CD44: variants seen among roughly 807,000 people sequenced by gnomAD.
The protein encoded by CD44 is CD44 antigen.
A neutral mutation model predicts 88.8 loss-of-function variants in CD44; 49 were observed. That is an observed-to-expected ratio of 0.55 (90% CI 0.44 to 0.70). The LOEUF (loss-of-function observed/expected upper bound fraction) is 0.70, where lower values mean the gene tolerates loss of function less well. CD44 is among the 30% of genes least tolerant of loss of function. The pLI is 0.00. For synonymous variants in CD44, 325 were observed against 312.3 expected (o/e 1.04, Z -0.43); for missense variants, 883 against 913.8 (o/e 0.97, Z 0.43).
rs775136879 is a variant in CD44, at chr11:35,189,920, T to G, written c.522T>G (p.Thr174=). Residue 174 remains threonine, a synonymous_variant, in exon 5 of 18, where the codon ACT becomes ACG. Transcript: ENST00000428726. ...NPEDIYPSNP[T]DDDVSSGSSS... Reference sequence around the variant, plus strand: ...AAGACATCTACCCCAGCAACCCTACTGATGATGACGTGAGCAGCGGCTCCT... The same window carrying G: ...AAGACATCTACCCCAGCAACCCTACGGATGATGACGTGAGCAGCGGCTCCT... 1.2e-6 allele frequency: 2 copies of G among 1,614,168 alleles called. No individual in the cohort carries two copies. Among genetic ancestry groups the G allele is most frequent in the Non-Finnish European group, 1.7e-6 (2 of 1,180,018 alleles).
intron 1 of CD44, among the ~76,000 whole-genome samples, chr11:35,172,001 C>T (rs569152973): frequency 2.6e-5 from 4 of 152,042 alleles, no homozygotes; most frequent in East Asian, 1.9e-4. Flanking sequence ...TGAAGCTTTT[C>T]GATACATTTT....
rs745340255 is a variant in CD44 at position 35,139,281 on chromosome 11, G to T, written c.-23G>T. The stretch of plus-strand genomic sequence containing the variant: ...GGATCCTCCAGCTCCTTTCGCCCGC[G>T]CCCTCCGTTCGCTCCGGACACCATG... On this transcript the variant is annotated 5_prime_UTR_variant, in exon 1 of 18. Transcript: ENST00000428726. 2 of 1,552,176 alleles carry T rather than the reference G, an allele frequency of 1.3e-6. No individual in the cohort carries two copies. Among genetic ancestry groups the T allele is most frequent in the Non-Finnish European group, 1.7e-6 (2 of 1,146,388 alleles).
intron 3 of CD44, among the ~76,000 whole-genome samples, chr11:35,184,631 A>C (rs1591121213): frequency 6.6e-6 from 1 of 152,232 alleles, no homozygotes; most frequent in South Asian, 2.1e-4. Context: ...AGCTAAATTA[A>C]TATTAATTAT....
intron 15 of CD44, among the ~76,000 whole-genome samples, chr11:35,217,356 G>GAA (rs59976536): frequency 8.2e-6 from 1 of 122,422 alleles, no homozygotes; most frequent in African/African-American, 3.1e-5. Flanking sequence ...AGTCAGAAAA[G>GAA]AAAAAAAAAA....
At chr11:35,222,332 G>T in intron 17 of CD44, 1 of 973,100 alleles carries the variant, frequency 1.0e-6, no homozygotes, top group Non-Finnish European at 1.4e-6. Context: ...TTTGTTGTTT[G>T]GTTTTTGTAA....
chr11:35,205,927 G>A (rs898344152), intron 10 of CD44, 185 bp from the exon 11 acceptor site: 1 of 1,249,450 alleles, frequency 8.0e-7, no homozygotes, highest in African/African-American at 1.6e-5. Flanking sequence ...AGAAGAAAAT[G>A]AGCATGAGTG....
At chr11:35,190,672 A>G (rs1370619496) in intron 5 of CD44, among the ~76,000 whole-genome samples, 1 of 152,248 alleles carries the variant, frequency 6.6e-6, no homozygotes, top group African/African-American at 2.4e-5. Flanking sequence ...ATTTACATTC[A>G]TACTATTGAT....
intron 1 of CD44, among the ~76,000 whole-genome samples, chr11:35,169,859 G>C (rs1943686925): frequency 6.6e-6 from 1 of 152,152 alleles, no homozygotes; most frequent in Non-Finnish European, 1.5e-5. Context: ...CTGTAACCAG[G>C]AGCCTGAATA....
intron 1 of CD44, among the ~76,000 whole-genome samples, chr11:35,152,786 A>G (rs576280053): frequency 6.6e-6 from 1 of 152,126 alleles, no homozygotes; most frequent in East Asian, 1.9e-4. Context: ...GCCACTTCCT[A>G]AGGCTTGCAA....
chr11:35,185,247 C>A (rs57120632), intron 3 of CD44, among the ~76,000 whole-genome samples: 179 of 152,306 alleles, frequency 1.2e-3, no homozygotes, highest in African/African-American at 4.1e-3. Flanking sequence ...GGAGGTGATA[C>A]TTCTCTTTAA....
chr11:35,167,073 A>G (rs1005958293), intron 1 of CD44, among the ~76,000 whole-genome samples: 11 of 152,116 alleles, frequency 7.2e-5, no homozygotes, highest in Admixed American at 2.0e-4. Context: ...CCAGATGAAA[A>G]CTTCTGGGCT....
chr11:35,217,634 A>G (rs1948945924), intron 15 of CD44, among the ~76,000 whole-genome samples: 1 of 152,220 alleles, frequency 6.6e-6, no homozygotes, highest in African/African-American at 2.4e-5. Flanking sequence ...AAAAGCATCA[A>G]ATTGCATAAA....
chr11:35,163,148 A>G (rs1037764455), intron 1 of CD44, among the ~76,000 whole-genome samples: 1 of 152,188 alleles, frequency 6.6e-6, no homozygotes, highest in Non-Finnish European at 1.5e-5. Flanking sequence ...AAAGGCATGA[A>G]TCTTGTTCTG....
At chr11:35,141,325 G>A (rs1857879427) in intron 1 of CD44, among the ~76,000 whole-genome samples, 1 of 152,182 alleles carries the variant, frequency 6.6e-6, no homozygotes. Flanking sequence ...ATTTCAGGGA[G>A]GGAAGGATTT....
intron 1 of CD44, among the ~76,000 whole-genome samples, chr11:35,171,173 A>G (rs1943838252): frequency 6.6e-6 from 1 of 152,220 alleles, no homozygotes; most frequent in Non-Finnish European, 1.5e-5. Flanking sequence ...GTTAGTATCA[A>G]GGAAACCTGA....
At chr11:35,218,790 A>G (rs1404881743) in intron 15 of CD44, 1 of 153,758 alleles carries the variant, frequency 6.5e-6, no homozygotes, top group African/African-American at 2.4e-5. Flanking sequence ...CGATCTCCCC[A>G]GGTATGCCTG....
chr11:35,150,163 T>C (rs762159795), intron 1 of CD44, among the ~76,000 whole-genome samples: 47 of 152,222 alleles, frequency 3.1e-4, no homozygotes, highest in Non-Finnish European at 3.1e-4. Context: ...CACCTTGGAC[T>C]TGCCAGCTTT....
chr11:35,210,099 C>A, intron 13 of CD44, 45 bp downstream of exon 13: 1 of 1,115,176 alleles, frequency 9.0e-7, no homozygotes, highest in South Asian at 1.5e-5. Flanking sequence ...TGATAAGAAT[C>A]AATCAATTAT....
intron 17 of CD44, among the ~76,000 whole-genome samples, chr11:35,225,196 G>A (rs1353895763): frequency 7.9e-6 from 1 of 126,566 alleles, no homozygotes; most frequent in East Asian, 2.2e-4. Context: ...AATGTGGCTG[G>A]TGGCTACCAT....
Sources: allele counts gnomAD v4.1 joint callset (sites outside exome capture counted in the v4.1 genomes callset), GRCh38; gene constraint gnomAD v4.1.1; transcripts MANE v1.5; gene names NCBI Gene and HGNC (gene_info 2026-07-23, HGNC 2026-07-21).